SGCG: variants seen among roughly 807,000 people sequenced by gnomAD.
SGCG encodes the protein gamma-sarcoglycan.
In SGCG, 26 loss-of-function variants were observed where a neutral mutation model predicts 29.3. The ratio of observed to expected loss-of-function variants is 0.89; its 90% CI spans 0.65 to 1.23. The LOEUF (loss-of-function observed/expected upper bound fraction) is 1.23. Ranked by LOEUF, SGCG falls within the 50% of genes most tolerant of loss-of-function variation. SGCG has a pLI of 0.00. For missense variants in SGCG, 353 were observed against 356.0 expected (o/e 0.99, Z 0.07); for synonymous variants, 145 against 129.7 (o/e 1.12, Z -0.80).
At chr13:23,275,310 T>C (rs1206526169) in intron 4 of SGCG, among the ~76,000 whole-genome samples, 8 of 149,628 alleles carry the variant, frequency 5.3e-5, no homozygotes, top group Non-Finnish European at 1.2e-4. Context: ...AGGCCAGGAG[T>C]TCAAGACTAG....
At chr13:23,302,270 A>G (rs961606366) in intron 6 of SGCG, among the ~76,000 whole-genome samples, 3 of 151,282 alleles carry the variant, frequency 2.0e-5, no homozygotes, top group African/African-American at 7.3e-5. Context: ...TATTTATATA[A>G]TTATATATAT....
intron 2 of SGCG, among the ~76,000 whole-genome samples, chr13:23,219,827 CTTTTTTTTTTTT>C (rs1184090222): frequency 2.0e-5 from 2 of 99,204 alleles, no homozygotes. Context: ...ATTTCTTTTC[CTTTTTTTTTTTT>C]TTTTTTTTTT....
chr13:23,201,206 G>C (rs921691633), intron 1 of SGCG, among the ~76,000 whole-genome samples: 3 of 152,130 alleles, frequency 2.0e-5, no homozygotes, highest in Non-Finnish European at 2.9e-5. Context: ...ATTGCTGTCA[G>C]CTCTCCAGCA....
chr13:23,188,594 T>C (rs1432036358), intron 1 of SGCG, among the ~76,000 whole-genome samples: 5 of 151,566 alleles, frequency 3.3e-5, no homozygotes, highest in Admixed American at 6.6e-5. Context: ...GCTGGGATTA[T>C]AGGTGTGAGC....
intron 2 of SGCG, among the ~76,000 whole-genome samples, chr13:23,213,320 A>G (rs1478958770): frequency 6.6e-6 from 1 of 152,102 alleles, no homozygotes; most frequent in Non-Finnish European, 1.5e-5. Context: ...CTAAAAATAT[A>G]AAAATATAAA....
intron 4 of SGCG, among the ~76,000 whole-genome samples, chr13:23,259,055 T>C (rs1404176460): frequency 6.6e-6 from 1 of 152,212 alleles, no homozygotes; most frequent in African/African-American, 2.4e-5. Context: ...GATGTTGGCC[T>C]CATAAAATGA....
the SGCG span, among the ~76,000 whole-genome samples, chr13:23,174,390 A>G: frequency 6.6e-6 from 1 of 152,204 alleles, no homozygotes; most frequent in African/African-American, 2.4e-5. Context: ...ACGAAAAGGA[A>G]GATAGTTAAA....
chr13:23,299,681 T>A (rs769685122), intron 6 of SGCG, among the ~76,000 whole-genome samples: 10 of 151,392 alleles, frequency 6.6e-5, no homozygotes, highest in Non-Finnish European at 1.3e-4. Context: ...CTTGACCTCC[T>A]GACCTCGTGA....
At chr13:23,311,688 G>A (rs893626791) in intron 6 of SGCG, among the ~76,000 whole-genome samples, 2 of 152,334 alleles carry the variant, frequency 1.3e-5, no homozygotes, top group East Asian at 1.9e-4. Flanking sequence ...AACACCTCAT[G>A]TGCGTATTCA....
intron 2 of SGCG, among the ~76,000 whole-genome samples, chr13:23,216,701 A>G (rs1163948352): frequency 2.0e-5 from 3 of 152,102 alleles, no homozygotes; most frequent in Non-Finnish European, 4.4e-5. Context: ...GTTGTCTAAC[A>G]TTGACTTTTC....
intron 1 of SGCG, among the ~76,000 whole-genome samples, chr13:23,181,473 A>G (rs1876732814): frequency 6.6e-6 from 1 of 152,158 alleles, no homozygotes; most frequent in African/African-American, 2.4e-5. Context: ...TTTGCTTTAG[A>G]TTTTCTTGAT....
chr13:23,253,942 C>T (rs1880074304), intron 4 of SGCG, among the ~76,000 whole-genome samples: 1 of 152,184 alleles, frequency 6.6e-6, no homozygotes, highest in Non-Finnish European at 1.5e-5. Context: ...TCCTGAGGCC[C>T]TCACTAGAAG....
At chr13:23,316,669 C>T (rs923553873) in intron 6 of SGCG, among the ~76,000 whole-genome samples, 1 of 152,254 alleles carries the variant, frequency 6.6e-6, no homozygotes, top group African/African-American at 2.4e-5. Flanking sequence ...TGGCACCACT[C>T]GCCATCACCC....
At chr13:23,219,046 A>T (rs970839947) in intron 2 of SGCG, among the ~76,000 whole-genome samples, 1 of 147,914 alleles carries the variant, frequency 6.8e-6, no homozygotes, top group Non-Finnish European at 1.5e-5. Flanking sequence ...ATATATTTTT[A>T]TGGGTTGTTT....
At chr13:23,281,733 A>G (rs1397629155) in intron 5 of SGCG, among the ~76,000 whole-genome samples, 1 of 152,168 alleles carries the variant, frequency 6.6e-6, no homozygotes, top group Non-Finnish European at 1.5e-5. Flanking sequence ...TCCCTTACAC[A>G]TACAGTTCAC....
chr13:23,255,020 C>T (rs1880124787), intron 4 of SGCG, among the ~76,000 whole-genome samples: 1 of 152,234 alleles, frequency 6.6e-6, no homozygotes, highest in South Asian at 2.1e-4. Context: ...CACAAAGATA[C>T]TGTACTAGAA....
the SGCG span, among the ~76,000 whole-genome samples, chr13:23,172,984 T>G: frequency 2.6e-5 from 4 of 152,354 alleles, no homozygotes; most frequent in East Asian, 7.7e-4. Context: ...ATTTTTTGTG[T>G]TTGAGAAGAT....
chr13:23,206,711 A>G (rs1208302047), intron 2 of SGCG, among the ~76,000 whole-genome samples: 1 of 152,200 alleles, frequency 6.6e-6, no homozygotes, highest in African/African-American at 2.4e-5. Flanking sequence ...AAACAATGCC[A>G]TTTTCAATAA....
chr13:23,182,284 A>C (rs1876769252), intron 1 of SGCG, among the ~76,000 whole-genome samples: 1 of 152,066 alleles, frequency 6.6e-6, no homozygotes, highest in South Asian at 2.1e-4. Context: ...GGGCCTGAGG[A>C]TCTCCCTCCA....
Sources: allele counts gnomAD v4.1 joint callset (sites outside exome capture counted in the v4.1 genomes callset), GRCh38; gene constraint gnomAD v4.1.1; transcripts MANE v1.5; gene names NCBI Gene and HGNC (gene_info 2026-07-23, HGNC 2026-07-21).